PIGX: variants seen among roughly 807,000 people sequenced by gnomAD.
PIGX encodes phosphatidylinositol glycan anchor biosynthesis class X, also known as GPI alpha-1,4-mannosyltransferase I, stabilizing subunit.
In PIGX, 24 loss-of-function variants were observed where a neutral mutation model predicts 28.7. That is an observed-to-expected ratio of 0.84 (90% confidence interval 0.60 to 1.17). The LOEUF (loss-of-function observed/expected upper bound fraction) is 1.17, where lower values mean the gene tolerates loss of function less well. Ranked by LOEUF, PIGX falls within the 50% of genes most tolerant of loss-of-function variation. The pLI is 0.00. For synonymous variants in PIGX, 127 were observed against 121.0 expected (o/e 1.05, Z -0.33); for missense variants, 305 against 317.8 (o/e 0.96, Z 0.31).
Position 196,733,862 on chromosome 3 carries a change from T to A in PIGX, c.737T>A (p.Ile246Asn), listed in dbSNP as rs199702853. The A allele has an allele frequency of 1.1e-4, 173 of 1,606,290 alleles. No homozygotes were observed. The highest frequency in any genetic ancestry group is 1.4e-4 in the Non-Finnish European group (161 of 1,173,020). The change falls in exon 6 of 6, where the codon ATC (isoleucine) becomes AAC (asparagine). Residue 246 changes from isoleucine to asparagine, a missense_variant. By Grantham distance (149) the Ile-to-Asn change is moderately radical. Coordinates refer to ENST00000392391, the MANE Select transcript of PIGX (RefSeq NM_017861.4). The surrounding 1 kb of genome is among the most constrained non-coding windows in gnomAD (Gnocchi z 4.3). ...ATTACAATCCTGTGCTCTACATTGA[T>A]CCTTGTAGCAGTTTTCAAATATGGC... is the stretch of plus-strand genomic sequence containing the variant.
intron 1 of PIGX, chr3:196,713,074 A>G: frequency 2.0e-6 from 2 of 985,880 alleles, no homozygotes; most frequent in Non-Finnish European, 2.4e-6. Context: ...GTAGTTGGCA[A>G]ACTGCTTGTA....
chr3:196,728,673 A>T, intron 4 of PIGX: 1 of 766,406 alleles, frequency 1.3e-6, no homozygotes, highest in East Asian at 2.4e-5. Context: ...CATGTTCCTC[A>T]TACTTCTTTA....
At chr3:196,726,579 A>G in intron 3 of PIGX, 1 of 434,174 alleles carries the variant, frequency 2.3e-6, no homozygotes, top group Non-Finnish European at 4.6e-6. Context: ...AGTACTTCAA[A>G]TGCAGCTAAT....
chr3:196,725,357 A>G (rs544421024), intron 3 of PIGX, among the ~76,000 whole-genome samples: 1 of 152,210 alleles, frequency 6.6e-6, no homozygotes, highest in Non-Finnish European at 1.5e-5. Context: ...AAGTCATTGA[A>G]TATCAGGCAA....
chr3:196,732,240 A>ATTTTTTTTTTTTT (rs1560080573), intron 5 of PIGX, among the ~76,000 whole-genome samples: 1 of 52,130 alleles, frequency 1.9e-5, no homozygotes, highest in Admixed American at 2.0e-4. Context: ...ATATATATAT[A>ATTTTTTTTTTTTT]TATATATATA....
At position 196,712,549 on chromosome 3, in the gene PIGX, C is replaced by T; in HGVS notation, c.17C>T (p.Ala6Val). 3 of 1,176,486 alleles carry T rather than the reference C, an allele frequency of 2.5e-6. No individual in the cohort carries two copies. The highest frequency in any genetic ancestry group is 3.2e-6 in the Non-Finnish European group (3 of 952,284). 72.9% of individuals were successfully genotyped at this position (1,176,486 alleles called of 1,614,324 possible). Residue 6 changes from alanine (A) to valine (V), a missense_variant, in exon 1 of 6, where the codon GCG becomes GTG. By Grantham distance (64) the Ala-to-Val change is moderately conservative (BLOSUM62 0). Coordinates refer to ENST00000392391, the MANE Select transcript of PIGX (RefSeq NM_017861.4). Reference sequence around the variant, plus strand: ...TCCGGCGTCCTGGCGGCTCGGGTGGCGGCGGTTCGGGCGGCCGCCTGGCTG... The same window carrying T: ...TCCGGCGTCCTGGCGGCTCGGGTGGTGGCGGTTCGGGCGGCCGCCTGGCTG...
chr3:196,719,445 G>T (rs1049512273), intron 2 of PIGX, among the ~76,000 whole-genome samples: 1 of 152,032 alleles, frequency 6.6e-6, no homozygotes, highest in African/African-American at 2.4e-5. Context: ...TCGTCATTTA[G>T]CATTAGGTTA....
At chr3:196,725,772 A>G (rs1712495659) in intron 3 of PIGX, among the ~76,000 whole-genome samples, 1 of 152,198 alleles carries the variant, frequency 6.6e-6, no homozygotes, top group Non-Finnish European at 1.5e-5. Context: ...AGACTGAGAA[A>G]AGCCTTATAA....
Position 196,712,454 on chromosome 3 carries a change from G to A in PIGX, c.-79G>A. The A allele has an allele frequency of 1.7e-6, 1 of 603,662 alleles. No homozygotes were observed. The highest frequency in any genetic ancestry group is 5.1e-5 in the Admixed American group (1 of 19,736). The allele number at this position is 603,662 out of a possible 1,614,324, so 37.4% of individuals were successfully genotyped here. ...ATAAATCTGGGGCAGCGCGCGGTAG[G>A]AGCTGCGGGCGGCCAGGCCCCTTCC... On this transcript the variant is annotated 5_prime_UTR_variant, in exon 1 of 6. Coordinates refer to ENST00000392391, the MANE Select transcript of PIGX (RefSeq NM_017861.4).
chr3:196,724,349 T>C (rs967540621), intron 3 of PIGX, among the ~76,000 whole-genome samples: 3 of 152,234 alleles, frequency 2.0e-5, no homozygotes, highest in Non-Finnish European at 2.9e-5. Flanking sequence ...TTATGAATTC[T>C]AAATGAGGCT....
chr3:196,724,457 T>G (rs1187802082), intron 3 of PIGX, among the ~76,000 whole-genome samples: 1 of 152,192 alleles, frequency 6.6e-6, no homozygotes, highest in Non-Finnish European at 1.5e-5. Context: ...ATAAAATCAC[T>G]TACCGTGTTC....
In PIGX at chr3:196,719,417, T is replaced by C. The variant is rs560267524; in HGVS notation, c.176+2496T>C. ...CATATGTATATGTGTGCCATGTTGG[T>C]GTGCTGCACCCATTAACTCGTCATT... On this transcript the variant is annotated intron_variant, in intron 2 of 5. Coordinates refer to ENST00000392391, the MANE Select transcript of PIGX (RefSeq NM_017861.4). 1.6e-4 allele frequency among the ~76,000 whole-genome samples: 25 copies of C among 152,322 alleles called. No homozygotes were observed. In the South Asian group the frequency reaches 5.2e-3, roughly 32 times the overall value.
intron 5 of PIGX, among the ~76,000 whole-genome samples, chr3:196,732,611 C>T (rs867287136): frequency 2.4e-4 from 37 of 151,850 alleles, no homozygotes; most frequent in Middle Eastern, 3.2e-3. Flanking sequence ...TCATATATAC[C>T]AGAAAAATAG....
intron 5 of PIGX, among the ~76,000 whole-genome samples, chr3:196,732,715 G>A (rs571760019): frequency 2.9e-4 from 44 of 152,232 alleles, no homozygotes; most frequent in African/African-American, 8.4e-4. Context: ...GTTGCAGATT[G>A]GGTTGGTTAC....
rs116024826 is a variant in PIGX, at chr3:196,725,104, T to C, written c.318+2548T>C. On this transcript the variant is annotated intron_variant, in intron 3 of 5. Coordinates refer to ENST00000392391, the MANE Select transcript of PIGX (RefSeq NM_017861.4). ...CCTCATTTCACTTTTTTAGGTAGGG[T>C]TATTAAACATATTTTTTCATCAGAA... 9.4e-3 allele frequency among the ~76,000 whole-genome samples: 1,425 copies of C among 152,288 alleles called. 21 individuals carry two copies. Among genetic ancestry groups the C allele is most frequent in the African/African-American group, 0.033 (1,355 of 41,554 alleles).
intron 5 of PIGX, among the ~76,000 whole-genome samples, chr3:196,732,258 TTTATTTTATTTTA>T (rs1470631112): frequency 1.4e-4 from 5 of 35,594 alleles, no homozygotes; most frequent in African/African-American, 6.0e-4. Context: ...ATATATATAT[TTTATTTTATTTTA>T]TTTTTTTTTT....
intron 1 of PIGX, chr3:196,713,004 T>C (rs1245015855): frequency 4.8e-5 from 48 of 991,562 alleles, no homozygotes; most frequent in Non-Finnish European, 4.9e-5. Context: ...CTGTGAGGCC[T>C]GAGAATCCCC....
At chr3:196,732,219 T>TTC (rs1712796642) in intron 5 of PIGX, among the ~76,000 whole-genome samples, 1 of 15,748 alleles carries the variant, frequency 6.4e-5, no homozygotes, top group Non-Finnish European at 1.3e-4. Context: ...ATATTATTTA[T>TTC]ATATATATAT....
Position 196,722,528 on chromosome 3 carries a change from C to CT in PIGX, c.292dup (p.Ser98PhefsTer18). ...CTTTATGTGGATCCGTATGAGTTGG[C>CT]TTCATTACGAGAGAGAAACATAACA... On this transcript the variant is annotated frameshift_variant, in exon 3 of 6. Coordinates refer to ENST00000392391, the MANE Select transcript of PIGX (RefSeq NM_017861.4). LOFTEE classifies it high-confidence loss of function. 1 of 1,613,486 alleles carries CT rather than the reference C, an allele frequency of 6.2e-7. No individual in the cohort carries two copies. The highest frequency in any genetic ancestry group is 8.5e-7 in the Non-Finnish European group (1 of 1,179,648).
Sources: allele counts gnomAD v4.1 joint callset (sites outside exome capture counted in the v4.1 genomes callset), GRCh38; gene constraint gnomAD v4.1.1; non-coding constraint Gnocchi (gnomAD v3.1); transcripts MANE v1.5; gene names NCBI Gene and HGNC (gene_info 2026-07-23, HGNC 2026-07-21).